The following MBP variants were observed in gnomAD, a reference collection of about 807,000 sequenced individuals.
MBP encodes the protein Golli-MBP.
Under a neutral mutation model 35.8 loss-of-function variants are expected in MBP, and 16 were observed. The observed-to-expected ratio is 0.45, with a 90% CI of 0.30 to 0.68. The LOEUF (loss-of-function observed/expected upper bound fraction) is 0.68, where lower values mean the gene tolerates loss of function less well. MBP is among the 30% of genes least tolerant of loss of function. The pLI is 0.08. For synonymous variants in MBP, 143 were observed against 159.6 expected (o/e 0.90, Z 0.78); for missense variants, 380 against 404.7 (o/e 0.94, Z 0.52).
intron 3 of MBP, among the ~76,000 whole-genome samples, chr18:77,041,878 T>A (rs1362080669): frequency 3.3e-5 from 5 of 151,132 alleles, no homozygotes; most frequent in African/African-American, 9.7e-5. Flanking sequence ...TGTATACATA[T>A]GTAACAAACC....
chr18:77,124,817 C>T (rs1976998991), intron 1 of MBP, among the ~76,000 whole-genome samples: 1 of 152,138 alleles, frequency 6.6e-6, no homozygotes, highest in African/African-American at 2.4e-5. Flanking sequence ...CTCTTAGAGG[C>T]CCAGCTCATT....
At chr18:77,049,214 C>G (rs3934446) in intron 3 of MBP, among the ~76,000 whole-genome samples, 1 of 150,854 alleles carries the variant, frequency 6.6e-6, no homozygotes, top group Non-Finnish European at 1.5e-5. Context: ...CCACCGCACC[C>G]GGCCGAGGGC....
chr18:77,025,154 G>A (rs967556194), intron 3 of MBP, among the ~76,000 whole-genome samples: 4 of 152,170 alleles, frequency 2.6e-5, no homozygotes, highest in Non-Finnish European at 5.9e-5. Flanking sequence ...AACTCCCTCC[G>A]TATGTTCTAG....
At chr18:76,984,966 G>T in intron 7 of MBP, 72 bp from the exon 8 acceptor site, 1 of 1,590,680 alleles carries the variant, frequency 6.3e-7, no homozygotes, top group Non-Finnish European at 8.5e-7. Context: ...ACTGGGAGCT[G>T]CCACCAGGGC....
intron 2 of MBP, among the ~76,000 whole-genome samples, chr18:77,099,331 C>T (rs1052899795): frequency 1.3e-5 from 2 of 152,158 alleles, no homozygotes; most frequent in African/African-American, 2.4e-5. Context: ...CCACCTAGCA[C>T]CTGAGACGTA....
intron 2 of MBP, among the ~76,000 whole-genome samples, chr18:77,085,839 C>T (rs1436881950): frequency 1.3e-5 from 2 of 152,076 alleles, no homozygotes; most frequent in Non-Finnish European, 2.9e-5. Flanking sequence ...CGTCCACCAC[C>T]ACGCCGGCTA....
intron 3 of MBP, among the ~76,000 whole-genome samples, chr18:77,055,523 C>G (rs1973683572): frequency 6.6e-6 from 1 of 151,954 alleles, no homozygotes; most frequent in Non-Finnish European, 1.5e-5. Flanking sequence ...CCTTCCTTTC[C>G]TTCCATTCCT....
At chr18:77,079,556 G>A (rs1974806208) in intron 2 of MBP, among the ~76,000 whole-genome samples, 1 of 152,150 alleles carries the variant, frequency 6.6e-6, no homozygotes, top group Non-Finnish European at 1.5e-5. Context: ...TCTCTTCAGA[G>A]GTAAGCAGGA....
intron 4 of MBP, chr18:77,013,187 A>AT: frequency 1.0e-6 from 1 of 985,390 alleles, no homozygotes; most frequent in Non-Finnish European, 1.2e-6. Context: ...CCACATTTGG[A>AT]TTTTCTCTAG....
At chr18:77,119,434 A>G (rs971129352) in intron 1 of MBP, among the ~76,000 whole-genome samples, 1 of 152,146 alleles carries the variant, frequency 6.6e-6, no homozygotes, top group African/African-American at 2.4e-5. Context: ...CAGTAGGCAC[A>G]CAGCACATGG....
chr18:77,106,789 C>T lies in MBP; in HGVS notation c.-25-1503G>A, dbSNP rs143967924. ...AGTTTGATATGTATGATTTTAAAAACGCAAGGCTACCTTTGCGGATGATTT... is the reference window on the plus strand; with the variant it reads ...AGTTTGATATGTATGATTTTAAAAATGCAAGGCTACCTTTGCGGATGATTT... On this transcript the variant is annotated intron_variant, in intron 1 of 8. Transcript: ENST00000355994. 5.9e-4 allele frequency among the ~76,000 whole-genome samples: 90 copies of T among 152,306 alleles called. 1 individual carries two copies. In the East Asian group the frequency reaches 0.012, roughly 20 times the overall value.
At chr18:77,057,483 G>T (rs1395731048) in intron 3 of MBP, among the ~76,000 whole-genome samples, 3 of 152,180 alleles carry the variant, frequency 2.0e-5, no homozygotes, top group African/African-American at 7.2e-5. Flanking sequence ...CACAATTAGC[G>T]ATCCATTCAC....
intron 4 of MBP, among the ~76,000 whole-genome samples, chr18:77,011,804 C>T (rs1568287326): frequency 6.6e-6 from 1 of 152,052 alleles, no homozygotes; most frequent in Non-Finnish European, 1.5e-5. Flanking sequence ...TGCTGATAGC[C>T]ATAAAGGAAA....
At chr18:77,113,087 C>T (rs34246877) in intron 1 of MBP, 7,079 of 152,088 alleles carry the variant, frequency 0.047, 375 homozygotes, top group East Asian at 0.16. Context: ...TACAGGTGTC[C>T]GCCACCACAC....
At chr18:77,040,902 A>T (rs1972963092) in intron 3 of MBP, among the ~76,000 whole-genome samples, 1 of 152,242 alleles carries the variant, frequency 6.6e-6, no homozygotes, top group Non-Finnish European at 1.5e-5. Flanking sequence ...CACCAAAAGC[A>T]ATGGCAACAA....
At chr18:77,097,569 G>A (rs1416636051) in intron 2 of MBP, 5 of 152,238 alleles carry the variant, frequency 3.3e-5, no homozygotes. Context: ...TGCAGAGCCA[G>A]ACATCTTCTA....
intron 8 of MBP, 192 bp from the exon 9 acceptor site, chr18:76,980,663 A>AT (rs1233932303): frequency 3.4e-6 from 2 of 584,800 alleles, no homozygotes; most frequent in African/African-American, 3.7e-5. Flanking sequence ...TGCTAATTGA[A>AT]TTTCCAGTTC....
At chr18:77,075,846 G>A (rs1356832975) in intron 2 of MBP, among the ~76,000 whole-genome samples, 1 of 152,124 alleles carries the variant, frequency 6.6e-6, no homozygotes, top group African/African-American at 2.4e-5. Flanking sequence ...AATGAAACTA[G>A]GCATTATACT....
intron 3 of MBP, among the ~76,000 whole-genome samples, chr18:77,036,841 G>A (rs28424014): frequency 7.1e-6 from 1 of 141,640 alleles, no homozygotes; most frequent in South Asian, 2.4e-4. Flanking sequence ...GCAAGTGCTG[G>A]TCACATTTTG....
Sources: allele counts gnomAD v4.1 joint callset (sites outside exome capture counted in the v4.1 genomes callset), GRCh38; gene constraint gnomAD v4.1.1; transcripts MANE v1.5; gene names NCBI Gene and HGNC (gene_info 2026-07-23, HGNC 2026-07-21).